The following SEC22A variants were observed in gnomAD, a reference collection of about 807,000 sequenced individuals.
SEC22A encodes the protein vesicle-trafficking protein SEC22a.
SEC22A carries 22 observed loss-of-function variants against 35.3 expected under a neutral mutation model. That is an observed-to-expected ratio of 0.62 (90% CI 0.45 to 0.89). SEC22A has a LOEUF of 0.89. Ranked by LOEUF, SEC22A falls within the 40% of genes least tolerant of loss-of-function variation. SEC22A has a pLI of 0.00. For missense variants in SEC22A, 354 were observed against 362.5 expected (o/e 0.98, Z 0.19); for synonymous variants, 119 against 129.5 (o/e 0.92, Z 0.55).
At chr3:123,260,123 C>A (rs1937847409) in intron 6 of SEC22A, among the ~76,000 whole-genome samples, 1 of 80,996 alleles carries the variant, frequency 1.2e-5, no homozygotes, top group Non-Finnish European at 2.1e-5. Flanking sequence ...CAGAGCGAGA[C>A]TACATCTCAA....
At chr3:123,225,700 C>T (rs1305890710) in intron 4 of SEC22A, among the ~76,000 whole-genome samples, 1 of 152,110 alleles carries the variant, frequency 6.6e-6, no homozygotes, top group Non-Finnish European at 1.5e-5. Context: ...GTGTTATAAA[C>T]ATGTCAGTTG....
intron 6 of SEC22A, among the ~76,000 whole-genome samples, chr3:123,269,177 A>ATGTGTGTGTGTGTGTGTG (rs1223821694): frequency 1.5e-4 from 17 of 112,066 alleles, no homozygotes; most frequent in African/African-American, 4.9e-4. Flanking sequence ...TGAATTAAAT[A>ATGTGTGTGTGTGTGTGTG]TATGTGTGTG....
At chr3:123,260,021 A>G (rs1015961950) in intron 6 of SEC22A, among the ~76,000 whole-genome samples, 5 of 151,810 alleles carry the variant, frequency 3.3e-5, no homozygotes, top group African/African-American at 1.2e-4. Flanking sequence ...AGTCCCAGCT[A>G]CTTGGGAGGC....
In SEC22A at chr3:123,216,375, T is replaced by C. The variant is rs571150825; in HGVS notation, c.182+6976T>C. Among the ~76,000 whole-genome samples, 3 of 152,336 alleles carry C rather than the reference T, an allele frequency of 2.0e-5. No homozygotes were observed. The South Asian group carries it at 6.2e-4, about 32-fold the overall frequency. ...AAATAAAGATGTCAAAGGCAAACTT[T>C]GCTTGTTCTGTGTTTTATCCAAGTC... On this transcript the variant is annotated intron_variant, in intron 2 of 6. Coordinates refer to ENST00000492595, the MANE Select transcript of SEC22A (RefSeq NM_012430.5).
intron 2 of SEC22A, among the ~76,000 whole-genome samples, chr3:123,213,343 A>G (rs1228201660): frequency 6.6e-6 from 1 of 152,182 alleles, no homozygotes; most frequent in Non-Finnish European, 1.5e-5. Flanking sequence ...TCACACCACA[A>G]CTGTTTTTCT....
intron 4 of SEC22A, among the ~76,000 whole-genome samples, chr3:123,241,996 A>T (rs1245966511): frequency 6.6e-6 from 1 of 152,000 alleles, no homozygotes; most frequent in Non-Finnish European, 1.5e-5. Flanking sequence ...CTCCTGTTCA[A>T]TAAGTCTAAT....
chr3:123,202,484 G>C (rs866005360), intron 1 of SEC22A, among the ~76,000 whole-genome samples: 1 of 152,114 alleles, frequency 6.6e-6, no homozygotes, highest in Non-Finnish European at 1.5e-5. Context: ...GGGATGGAGT[G>C]AGCCCTGAGC....
At chr3:123,235,908 C>T (rs1937411324) in intron 4 of SEC22A, among the ~76,000 whole-genome samples, 1 of 152,020 alleles carries the variant, frequency 6.6e-6, no homozygotes. Flanking sequence ...CATCTGTGAA[C>T]CTTAAAAACA....
At chr3:123,221,394 C>G (rs1251474682) in intron 2 of SEC22A, among the ~76,000 whole-genome samples, 1 of 147,536 alleles carries the variant, frequency 6.8e-6, no homozygotes, top group South Asian at 2.1e-4. Flanking sequence ...TCGCTTGAAC[C>G]CGGGAGGCGG....
At chr3:123,251,345 T>G (rs1413442642) in intron 5 of SEC22A, among the ~76,000 whole-genome samples, 2 of 152,184 alleles carry the variant, frequency 1.3e-5, no homozygotes, top group African/African-American at 4.8e-5. Flanking sequence ...TGTGTAGGCT[T>G]GTATGTTTCT....
At chr3:123,256,476 C>T (rs1259163842) in intron 5 of SEC22A, among the ~76,000 whole-genome samples, 3 of 152,166 alleles carry the variant, frequency 2.0e-5, no homozygotes, top group Admixed American at 2.0e-4. Context: ...CTCTTTGACA[C>T]TGTACGCACT....
intron 6 of SEC22A, among the ~76,000 whole-genome samples, chr3:123,259,862 G>A (rs1219912517): frequency 1.3e-5 from 2 of 152,068 alleles, no homozygotes; most frequent in African/African-American, 4.8e-5. Context: ...GCTGGGTGTG[G>A]TGGCTCATGC....
intron 6 of SEC22A, among the ~76,000 whole-genome samples, chr3:123,262,066 G>GT (rs1161482648): frequency 1.3e-5 from 2 of 152,154 alleles, no homozygotes; most frequent in African/African-American, 4.8e-5. Context: ...TAATAATGCT[G>GT]TTTTTTTCCC....
chr3:123,261,993 C>T (rs1937904115), intron 6 of SEC22A, among the ~76,000 whole-genome samples: 1 of 152,174 alleles, frequency 6.6e-6, no homozygotes, highest in Non-Finnish European at 1.5e-5. Context: ...AAGCAGAAAA[C>T]TAATTTCCTT....
Position 123,234,770 on chromosome 3 carries a change from C to G in SEC22A, c.541+9473C>G, listed in dbSNP as rs572467486. Among the ~76,000 whole-genome samples, 3 of 152,234 alleles carry G rather than the reference C, an allele frequency of 2.0e-5. No homozygotes were observed. The South Asian group carries it at 6.2e-4, about 32-fold the overall frequency. ...GGGCTCAGTGGCTCACGCCTGTAATCCCAGCACTTTGGGAGGCCAAGACAG... is the reference window on the plus strand; with the variant it reads ...GGGCTCAGTGGCTCACGCCTGTAATGCCAGCACTTTGGGAGGCCAAGACAG... On this transcript the variant is annotated intron_variant, in intron 4 of 6. Coordinates refer to ENST00000492595, the MANE Select transcript of SEC22A (RefSeq NM_012430.5).
At chr3:123,270,049 A>G (rs889732171) in intron 6 of SEC22A, among the ~76,000 whole-genome samples, 3 of 152,220 alleles carry the variant, frequency 2.0e-5, no homozygotes, top group African/African-American at 7.2e-5. Flanking sequence ...TAGTGGGACA[A>G]TGGGCAAAAT....
At chr3:123,216,394 C>T (rs1193136526) in intron 2 of SEC22A, among the ~76,000 whole-genome samples, 3 of 152,156 alleles carry the variant, frequency 2.0e-5, no homozygotes, top group Admixed American at 2.0e-4. Flanking sequence ...TGTGTTTTAT[C>T]CAAGTCTCTC....
chr3:123,241,042 C>CA (rs1354702770), intron 4 of SEC22A, among the ~76,000 whole-genome samples: 1 of 148,360 alleles, frequency 6.7e-6, no homozygotes, highest in African/African-American at 2.5e-5. Flanking sequence ...CACACACACA[C>CA]ATCCCCTTCA....
intron 6 of SEC22A, among the ~76,000 whole-genome samples, chr3:123,265,021 A>G (rs1323638954): frequency 1.3e-5 from 2 of 152,056 alleles, no homozygotes; most frequent in Admixed American, 6.6e-5. Flanking sequence ...TTGACCCTTT[A>G]TATTTGTGGG....
Sources: allele counts gnomAD v4.1 joint callset (sites outside exome capture counted in the v4.1 genomes callset), GRCh38; gene constraint gnomAD v4.1.1; transcripts MANE v1.5; gene names NCBI Gene and HGNC (gene_info 2026-07-23, HGNC 2026-07-21).